The following CMTM8 variants were observed in gnomAD, a reference collection of about 807,000 sequenced individuals.
The protein encoded by CMTM8 is CKLF-like MARVEL transmembrane domain-containing protein 8.
Under a neutral mutation model 18.6 loss-of-function variants are expected in CMTM8, and 12 were observed. The ratio of observed to expected loss-of-function variants is 0.65; its 90% CI spans 0.41 to 1.05. The LOEUF is 1.05. CMTM8 is among the 50% of genes least tolerant of loss of function. The pLI, the probability that CMTM8 is intolerant of heterozygous loss-of-function variation, is 0.00. For synonymous variants in CMTM8, 87 were observed against 90.6 expected (o/e 0.96, Z 0.23); for missense variants, 217 against 227.2 (o/e 0.95, Z 0.29).
At chr3:32,319,096 G>C (rs1306915206) in intron 1 of CMTM8, among the ~76,000 whole-genome samples, 2 of 9,564 alleles carry the variant, frequency 2.1e-4, no homozygotes, top group Non-Finnish European at 3.6e-4. Flanking sequence ...TTTTTTTTTT[G>C]AGACAGAGTC....
intron 1 of CMTM8, among the ~76,000 whole-genome samples, chr3:32,240,799 T>A (rs998541308): frequency 2.0e-5 from 3 of 152,164 alleles, no homozygotes; most frequent in African/African-American, 7.2e-5. Context: ...TTGTTTTGTT[T>A]TGTTTTGAGA....
chr3:32,320,478 G>T (rs1035614158), intron 1 of CMTM8, among the ~76,000 whole-genome samples: 1 of 152,154 alleles, frequency 6.6e-6, no homozygotes, highest in Non-Finnish European at 1.5e-5. Flanking sequence ...GGGTGGTAGG[G>T]GTGGGAGAGA....
At chr3:32,359,851 A>G (rs1696888623) in intron 2 of CMTM8, among the ~76,000 whole-genome samples, 1 of 152,154 alleles carries the variant, frequency 6.6e-6, no homozygotes, top group South Asian at 2.1e-4. Context: ...GTGTGTCCCC[A>G]TTTTATAGAT....
At chr3:32,354,019 A>G (rs914010149) in intron 1 of CMTM8, among the ~76,000 whole-genome samples, 1 of 151,928 alleles carries the variant, frequency 6.6e-6, no homozygotes, top group Admixed American at 6.6e-5. Flanking sequence ...TCTTGACCTC[A>G]TGATCCGCCC....
At chr3:32,258,880 C>T in intron 1 of CMTM8, 1 of 227,668 alleles carries the variant, frequency 4.4e-6, no homozygotes, top group Middle Eastern at 2.0e-3. Context: ...TATCTCACTA[C>T]ATGTCGGCAA....
chr3:32,323,257 G>C (rs926830501), intron 1 of CMTM8, among the ~76,000 whole-genome samples: 1 of 152,126 alleles, frequency 6.6e-6, no homozygotes, highest in Non-Finnish European at 1.5e-5. Context: ...TACTAGCCAC[G>C]CATCCGTCTA....
At chr3:32,322,711 G>A (rs1386596620) in intron 1 of CMTM8, among the ~76,000 whole-genome samples, 3 of 152,218 alleles carry the variant, frequency 2.0e-5, no homozygotes, top group African/African-American at 7.2e-5. Flanking sequence ...CCCAAGATGG[G>A]CCAATAGTGG....
intron 1 of CMTM8, among the ~76,000 whole-genome samples, chr3:32,341,566 T>A (rs1696494519): frequency 1.3e-5 from 2 of 152,284 alleles, no homozygotes; most frequent in Middle Eastern, 3.4e-3. Flanking sequence ...CGGCATGATG[T>A]TGATGTGTAG....
chr3:32,282,547 C>T (rs1320400849), intron 1 of CMTM8, among the ~76,000 whole-genome samples: 1 of 152,146 alleles, frequency 6.6e-6, no homozygotes, highest in East Asian at 1.9e-4. Flanking sequence ...CACCCTCAGC[C>T]AAACTAACAT....
intron 1 of CMTM8, among the ~76,000 whole-genome samples, chr3:32,272,953 A>G (rs1702460385): frequency 6.6e-6 from 1 of 152,206 alleles, no homozygotes; most frequent in Non-Finnish European, 1.5e-5. Flanking sequence ...TTGGGTAGAT[A>G]TTTCTCCAAA....
intron 1 of CMTM8, chr3:32,259,057 C>T (rs770553980): frequency 4.1e-5 from 15 of 364,914 alleles, no homozygotes; most frequent in Non-Finnish European, 4.2e-5. Context: ...ATGCAGGCGC[C>T]GGAGGGCAGG....
At chr3:32,293,985 G>A (rs1000017882) in intron 1 of CMTM8, among the ~76,000 whole-genome samples, 3 of 152,202 alleles carry the variant, frequency 2.0e-5, no homozygotes, top group African/African-American at 4.8e-5. Context: ...GCAGGATCAA[G>A]GGTAAATACA....
At chr3:32,299,114 G>T (rs1005654841) in intron 1 of CMTM8, among the ~76,000 whole-genome samples, 5 of 151,564 alleles carry the variant, frequency 3.3e-5, no homozygotes, top group Non-Finnish European at 7.4e-5. Flanking sequence ...ATCCCTCTTG[G>T]GATCACACCT....
chr3:32,295,467 AAAAAAAAAAAAC>A (rs1257408248), intron 1 of CMTM8, among the ~76,000 whole-genome samples: 14 of 141,534 alleles, frequency 9.9e-5, no homozygotes, highest in South Asian at 6.5e-4. Context: ...AAAAAAAAAA[AAAAAAAAAAAAC>A]AAAACAAAAC....
intron 1 of CMTM8, among the ~76,000 whole-genome samples, chr3:32,355,777 T>C (rs1696804323): frequency 6.6e-6 from 1 of 152,208 alleles, no homozygotes; most frequent in Non-Finnish European, 1.5e-5. Flanking sequence ...TATCCTAACT[T>C]ACTACACATT....
At chr3:32,310,289 T>A (rs116814699) in intron 1 of CMTM8, among the ~76,000 whole-genome samples, 230 of 152,304 alleles carry the variant, frequency 1.5e-3, no homozygotes, top group African/African-American at 4.6e-3. Flanking sequence ...GGCAGAATTC[T>A]AGAGCAAAGG....
chr3:32,311,205 G>A (rs751356160), intron 1 of CMTM8, among the ~76,000 whole-genome samples: 1 of 152,124 alleles, frequency 6.6e-6, no homozygotes, highest in Non-Finnish European at 1.5e-5. Flanking sequence ...ATTTTTTAAC[G>A]GTTGCGGAAA....
chr3:32,357,578 G>C (rs1696841680), intron 2 of CMTM8, 32 bp downstream of exon 2: 1 of 1,607,726 alleles, frequency 6.2e-7, no homozygotes, highest in Non-Finnish European at 8.5e-7. Context: ...GTCTTGTCCA[G>C]TGCCCACTCG....
chr3:32,239,233 C>A, intron 1 of CMTM8, 114 bp downstream of exon 1: 6 of 1,186,896 alleles, frequency 5.1e-6, no homozygotes, highest in Non-Finnish European at 7.0e-6. Context: ...TTTAGGGAAC[C>A]GTTTTTGCTC....
Sources: gnomAD v4.1 joint callset for allele counts (sites outside exome capture counted in the v4.1 genomes callset) on GRCh38, gnomAD v4.1.1 for gene constraint, MANE v1.5 for transcripts, NCBI Gene and HGNC (gene_info 2026-07-23, HGNC 2026-07-21) for gene names.